The following NRXN3 variants were observed in gnomAD, a reference collection of about 807,000 sequenced individuals.
The protein encoded by NRXN3 is neurexin 3.
Under a neutral mutation model 137.6 loss-of-function variants are expected in NRXN3, and 32 were observed. The ratio of observed to expected loss-of-function variants is 0.23; its 90% CI spans 0.18 to 0.31. NRXN3 has a LOEUF of 0.31. Ranked by LOEUF, NRXN3 falls within the 10% of genes least tolerant of loss-of-function variation. The pLI is 1.00. For synonymous variants in NRXN3, 798 were observed against 784.5 expected, an observed-to-expected ratio of 1.02 and a Z score of -0.29; for missense variants, 1,574 against 2,062.5, an observed-to-expected ratio of 0.76 and a Z score of 4.59.
At chr14:79,608,668 C>T (rs911268701) in intron 16 of NRXN3, among the ~76,000 whole-genome samples, 6 of 152,136 alleles carry the variant, frequency 3.9e-5, no homozygotes, top group Admixed American at 2.6e-4. Context: ...CAGCCTGGGG[C>T]GCTTCTAGTA....
At chr14:79,595,044 G>C (rs1289183352) in intron 16 of NRXN3, among the ~76,000 whole-genome samples, 1 of 152,114 alleles carries the variant, frequency 6.6e-6, no homozygotes, top group Admixed American at 6.5e-5. Context: ...GCTGAAAATT[G>C]GCAGTTATGT....
chr14:79,453,961 C>T (rs2096218350), intron 15 of NRXN3, among the ~76,000 whole-genome samples: 1 of 152,024 alleles, frequency 6.6e-6, no homozygotes, highest in Admixed American at 6.6e-5. Flanking sequence ...ACACATTATC[C>T]TCCCTCCATC....
intron 16 of NRXN3, among the ~76,000 whole-genome samples, chr14:79,625,940 A>T (rs1281907084): frequency 6.6e-6 from 1 of 152,128 alleles, no homozygotes; most frequent in Non-Finnish European, 1.5e-5. Flanking sequence ...GTCTCATAGG[A>T]CCGGTGTAAG....
At chr14:78,651,035 ATCAAAT>A (rs2097737004) in intron 5 of NRXN3, 124 bp from the exon 6 acceptor site, 3 of 922,064 alleles carry the variant, frequency 3.3e-6, no homozygotes, top group Non-Finnish European at 4.8e-6. Flanking sequence ...CCAAAATCAA[ATCAAAT>A]TAGAAAGTAT....
At chr14:79,177,416 G>A (rs1206151437) in intron 15 of NRXN3, among the ~76,000 whole-genome samples, 1 of 152,142 alleles carries the variant, frequency 6.6e-6, no homozygotes, top group East Asian at 1.9e-4. Flanking sequence ...AGCCCTCGGA[G>A]AAAATAAATA....
intron 4 of NRXN3, among the ~76,000 whole-genome samples, chr14:78,548,673 G>T (rs993588189): frequency 2.0e-5 from 3 of 151,992 alleles, no homozygotes; most frequent in Non-Finnish European, 2.9e-5. Flanking sequence ...TTGTTACATT[G>T]TCCCCTGCAC....
intron 5 of NRXN3, among the ~76,000 whole-genome samples, chr14:78,646,987 G>A (rs144357941): frequency 1.3e-5 from 2 of 152,076 alleles, no homozygotes; most frequent in Non-Finnish European, 1.5e-5. Flanking sequence ...AAAATAACAC[G>A]CTTTAGGCAT....
intron 10 of NRXN3, among the ~76,000 whole-genome samples, chr14:78,944,245 C>A (rs539129030): frequency 1.3e-5 from 2 of 152,172 alleles, no homozygotes; most frequent in East Asian, 3.9e-4. Flanking sequence ...GAACCACAGG[C>A]ACCAGTTTAC....
chr14:78,189,792 G>T (rs2060551537), intron 1 of NRXN3, among the ~76,000 whole-genome samples: 1 of 152,092 alleles, frequency 6.6e-6, no homozygotes, highest in African/African-American at 2.4e-5. Context: ...CACCATGTTG[G>T]TGAGGCTGGT....
chr14:79,652,133 G>T (rs1056042862), intron 16 of NRXN3, among the ~76,000 whole-genome samples: 95 of 152,102 alleles, frequency 6.2e-4, no homozygotes, highest in African/African-American at 2.2e-3. Flanking sequence ...GGGTCAAAGG[G>T]ACTAACTTTT....
rs144072226 is a variant in NRXN3, at chr14:79,199,439, G to A, written c.3262+211298G>A. The stretch of plus-strand genomic sequence containing the variant: ...ATGACAGCAAAAGAAGCCACACTGA[G>A]GATTGAAGATGAGAAAAAACAAACT... On this transcript the variant is annotated intron_variant, in intron 15 of 20. Transcript: ENST00000335750. Among the ~76,000 whole-genome samples the A allele has an allele frequency of 6.1e-3, 932 of 152,226 alleles. 11 individuals are homozygous for A. Among genetic ancestry groups the A allele is most frequent in the African/African-American group, 0.021 (868 of 41,554 alleles).
chr14:79,576,796 T>C (rs957520025), intron 16 of NRXN3, among the ~76,000 whole-genome samples: 2 of 152,200 alleles, frequency 1.3e-5, no homozygotes, highest in Non-Finnish European at 2.9e-5. Flanking sequence ...TCTCATATTA[T>C]CCTAAGCTTT....
rs567038223 is a variant in NRXN3, at chr14:78,916,696, G to A, written c.2276-40546G>A. 2.6e-5 allele frequency among the ~76,000 whole-genome samples: 4 copies of A among 152,320 alleles called. No individual in the cohort carries two copies. The East Asian group carries it at 7.7e-4, about 29-fold the overall frequency. Reference sequence around the variant, plus strand: ...TCTAATTGGTGGAAGCACAGCAGGTGATAGAGCATACCTCACGTACTAGTT... The same window carrying A: ...TCTAATTGGTGGAAGCACAGCAGGTAATAGAGCATACCTCACGTACTAGTT... On this transcript the variant is annotated intron_variant, in intron 10 of 20. Coordinates refer to ENST00000335750, the MANE Select transcript of NRXN3 (RefSeq NM_001330195.2).
intron 6 of NRXN3, among the ~76,000 whole-genome samples, chr14:78,663,626 C>G (rs1460886849): frequency 6.6e-6 from 1 of 152,166 alleles, no homozygotes; most frequent in Non-Finnish European, 1.5e-5. Flanking sequence ...CTTCAAAACA[C>G]CCAAATAAGG....
intron 15 of NRXN3, among the ~76,000 whole-genome samples, chr14:79,157,004 T>TTAC (rs755140877): frequency 2.6e-5 from 4 of 151,758 alleles, no homozygotes; most frequent in Admixed American, 6.6e-5. Flanking sequence ...CTTTGTAACA[T>TTAC]TACTCTGGTT....
intron 20 of NRXN3, among the ~76,000 whole-genome samples, chr14:79,836,814 A>G (rs1603618346): frequency 1.3e-5 from 2 of 152,006 alleles, no homozygotes; most frequent in African/African-American, 4.8e-5. Flanking sequence ...CCACACACAC[A>G]CAAAAAATCC....
intron 4 of NRXN3, among the ~76,000 whole-genome samples, chr14:78,576,374 C>T (rs1341705183): frequency 6.6e-6 from 1 of 151,988 alleles, no homozygotes; most frequent in African/African-American, 2.4e-5. Flanking sequence ...AATTTTCAGC[C>T]ATACTTTAAA....
intron 19 of NRXN3, among the ~76,000 whole-genome samples, chr14:79,725,812 T>C (rs1035392072): frequency 1.3e-5 from 2 of 152,164 alleles, no homozygotes; most frequent in Admixed American, 6.6e-5. Flanking sequence ...AAATTGTAAC[T>C]CTACAGTGTT....
At chr14:79,382,474 T>G (rs2094497337) in intron 15 of NRXN3, among the ~76,000 whole-genome samples, 1 of 152,062 alleles carries the variant, frequency 6.6e-6, no homozygotes, top group Non-Finnish European at 1.5e-5. Flanking sequence ...TTTGGGAACA[T>G]GATGTTCTGT....
Sources: gnomAD v4.1 joint callset for allele counts (sites outside exome capture counted in the v4.1 genomes callset) on GRCh38, gnomAD v4.1.1 for gene constraint, MANE v1.5 for transcripts, NCBI Gene and HGNC (gene_info 2026-07-23, HGNC 2026-07-21) for gene names.